The following DIAPH2 variants were observed in gnomAD, a reference collection of about 807,000 sequenced individuals.
DIAPH2 encodes the protein diaphanous related formin 2.
DIAPH2 carries 35 observed loss-of-function variants against 92.7 expected under a neutral mutation model. The ratio of observed to expected loss-of-function variants is 0.38; its 90% CI spans 0.29 to 0.50. The LOEUF (loss-of-function observed/expected upper bound fraction) is 0.50. DIAPH2 is among the 20% of genes least tolerant of loss of function. The pLI, the probability that DIAPH2 is intolerant of heterozygous loss-of-function variation, is 0.94. For missense variants in DIAPH2, 701 were observed against 819.5 expected (o/e 0.86, Z 1.77); for synonymous variants, 301 against 280.4 (o/e 1.07, Z -0.73).
chrX:96,868,091 G>C (rs1285747680), intron 4 of DIAPH2, among the ~76,000 whole-genome samples: 1 of 112,041 alleles, frequency 8.9e-6, no homozygotes, highest in African/African-American at 3.2e-5. Flanking sequence ...CGTGCCGTAG[G>C]ATAACCCAAC....
chrX:96,960,249 C>G (rs147701169), intron 16 of DIAPH2, among the ~76,000 whole-genome samples: 3,579 of 111,342 alleles, frequency 0.032, 158 homozygotes, highest in African/African-American at 0.11. Context: ...AGCATTGTCT[C>G]TTTCCATTTG....
intron 26 of DIAPH2, among the ~76,000 whole-genome samples, chrX:97,482,776 T>C (rs1360266199): frequency 8.9e-6 from 1 of 112,215 alleles, no homozygotes; most frequent in Non-Finnish European, 1.9e-5. Context: ...GATAATTGAT[T>C]TGATGGTCCA....
intron 21 of DIAPH2, among the ~76,000 whole-genome samples, chrX:97,131,713 C>G (rs944078606): frequency 8.9e-6 from 1 of 112,677 alleles, no homozygotes; most frequent in African/African-American, 3.2e-5. Context: ...TAAACTATTT[C>G]TATACCAATT....
chrX:96,756,704 A>G (rs1340005007), intron 3 of DIAPH2, among the ~76,000 whole-genome samples: 1 of 111,181 alleles, frequency 9.0e-6, no homozygotes, highest in African/African-American at 3.3e-5. Context: ...ACTGTTTTCC[A>G]AAGTGGTTGT....
chrX:97,477,643 T>C (rs962280109), intron 26 of DIAPH2, among the ~76,000 whole-genome samples: 3 of 111,345 alleles, frequency 2.7e-5, no homozygotes, highest in African/African-American at 9.8e-5. Flanking sequence ...TATATATGTG[T>C]GTGTGTGTGT....
chrX:97,493,801 T>G (rs1490271600), intron 26 of DIAPH2, among the ~76,000 whole-genome samples: 9 of 108,949 alleles, frequency 8.3e-5, no homozygotes, highest in African/African-American at 3.0e-4. Context: ...CAGGAGAATC[T>G]CTTGAGCCTG....
At chrX:97,123,515 A>C (rs1218692920) in intron 21 of DIAPH2, among the ~76,000 whole-genome samples, 2 of 112,347 alleles carry the variant, frequency 1.8e-5, no homozygotes, top group Non-Finnish European at 3.8e-5. Flanking sequence ...TATGTTATTC[A>C]TTGTGTATTC....
intron 19 of DIAPH2, among the ~76,000 whole-genome samples, chrX:97,084,055 T>C (rs978830936): frequency 9.1e-6 from 1 of 110,144 alleles, no homozygotes; most frequent in South Asian, 3.9e-4. Flanking sequence ...AGTTTAATAG[T>C]GCTGAGCAAT....
intron 26 of DIAPH2, among the ~76,000 whole-genome samples, chrX:97,552,205 A>T (rs193238026): frequency 9.0e-6 from 1 of 111,129 alleles, no homozygotes; most frequent in Admixed American, 9.7e-5. Context: ...AGTTCCCTTC[A>T]TTTCTTGATG....
At chrX:96,885,449 C>CAAAAGAA (rs2065254300) in intron 5 of DIAPH2, 1 of 34,256 alleles carries the variant, frequency 2.9e-5, no homozygotes, top group Non-Finnish European at 4.9e-5. Context: ...AGCGAAAAGA[C>CAAAAGAA]AAAAAAAAAA....
intron 26 of DIAPH2, among the ~76,000 whole-genome samples, chrX:97,545,533 A>AAAAAATATATAT (rs1260118151): frequency 1.3e-5 from 1 of 79,356 alleles, no homozygotes; most frequent in African/African-American, 5.0e-5. Flanking sequence ...AAAAAAAAAA[A>AAAAAATATATAT]ATATATATAT....
intron 4 of DIAPH2, among the ~76,000 whole-genome samples, chrX:96,866,801 C>T (rs1488156937): frequency 9.0e-6 from 1 of 111,480 alleles, no homozygotes; most frequent in Admixed American, 9.6e-5. Context: ...GAAATGAAGC[C>T]TTTTGGAGGT....
chrX:97,403,752 C>T (rs2069780675), intron 25 of DIAPH2, among the ~76,000 whole-genome samples: 1 of 111,496 alleles, frequency 9.0e-6, no homozygotes, highest in Non-Finnish European at 1.9e-5. Flanking sequence ...AGCCCAGTTC[C>T]CTGCCTCTAG....
chrX:97,589,007 A>ATATATATATATG (rs1362025865), intron 26 of DIAPH2, among the ~76,000 whole-genome samples: 2 of 70,546 alleles, frequency 2.8e-5, no homozygotes, highest in East Asian at 1.1e-3. Flanking sequence ...ATATATATAT[A>ATATATATATATG]TATATATATA....
intron 24 of DIAPH2, among the ~76,000 whole-genome samples, chrX:97,378,362 G>C (rs1440281157): frequency 9.4e-6 from 1 of 106,254 alleles, no homozygotes; most frequent in African/African-American, 3.5e-5. Flanking sequence ...CAGCCTGGGC[G>C]ACAGAGTGAG....
intron 19 of DIAPH2, among the ~76,000 whole-genome samples, chrX:97,098,586 G>A (rs762930510): frequency 4.4e-5 from 5 of 112,426 alleles, no homozygotes; most frequent in African/African-American, 9.7e-5. Context: ...CACCACGCCC[G>A]GCTAATTTTT....
At chrX:97,279,623 GTC>G (rs1186861386) in intron 23 of DIAPH2, among the ~76,000 whole-genome samples, 3 of 110,684 alleles carry the variant, frequency 2.7e-5, no homozygotes, top group African/African-American at 6.6e-5. Flanking sequence ...TGTCCATCCA[GTC>G]TCTGTTTCTA....
chrX:96,954,067 T>TAAACAGGAG (rs2065794007), intron 15 of DIAPH2: 1 of 111,929 alleles, frequency 8.9e-6, no homozygotes, highest in Non-Finnish European at 1.9e-5. Context: ...TCCACTGTGT[T>TAAACAGGAG]AAACAGGAGT....
At chrX:97,129,469 A>G (rs921544389) in intron 21 of DIAPH2, among the ~76,000 whole-genome samples, 1 of 110,915 alleles carries the variant, frequency 9.0e-6, no homozygotes, top group Non-Finnish European at 1.9e-5. Context: ...CTGGCCATCT[A>G]CCATTTTTCA....
Sources: allele counts gnomAD v4.1 joint callset (sites outside exome capture counted in the v4.1 genomes callset), GRCh38; gene constraint gnomAD v4.1.1; transcripts MANE v1.5; gene names NCBI Gene and HGNC (gene_info 2026-07-23, HGNC 2026-07-21).